Variants in CEP152 observed in about 807,000 individuals in gnomAD.
CEP152 encodes centrosomal protein of 152 kDa.
Under a neutral mutation model 188.9 loss-of-function variants are expected in CEP152, and 132 were observed. The observed-to-expected ratio is 0.70, with a 90% CI of 0.61 to 0.81. CEP152 has a LOEUF of 0.81. Among genes scored for constraint, CEP152 ranks in the 30% least tolerant of loss-of-function variants. The probability of loss-of-function intolerance (pLI) is 0.00; values close to 1 mark genes in which losing one functional copy is unlikely to be tolerated. For missense variants in CEP152, 1,914 were observed against 1,969.8 expected (o/e 0.97, Z 0.54); for synonymous variants, 649 against 666.6 (o/e 0.97, Z 0.41).
intron 6 of CEP152, among the ~76,000 whole-genome samples, 153 bp downstream of exon 6, chr15:48,795,857 A>G (rs1897254979): frequency 6.6e-6 from 1 of 152,212 alleles, no homozygotes; most frequent in Non-Finnish European, 1.5e-5. Context: ...TCTAGTATAT[A>G]TCTCTAAAAA....
intron 1 of CEP152, chr15:48,810,484 T>C (rs963914416): frequency 5.3e-5 from 8 of 152,258 alleles, no homozygotes; most frequent in African/African-American, 1.9e-4. Context: ...GTAATGCTAA[T>C]ACACAATAAG....
intron 2 of CEP152, among the ~76,000 whole-genome samples, chr15:48,800,102 AT>A (rs1472058057): frequency 2.6e-5 from 4 of 152,220 alleles, no homozygotes; most frequent in Non-Finnish European, 5.9e-5. Context: ...TTCAGCAGTT[AT>A]TGTAGCTTTG....
chr15:48,752,186 C>A (rs987210062), intron 21 of CEP152, among the ~76,000 whole-genome samples, 163 bp downstream of exon 21: 1 of 152,194 alleles, frequency 6.6e-6, no homozygotes, highest in African/African-American at 2.4e-5. Flanking sequence ...CCTAAATTAA[C>A]CCTCTTATCT....
At chr15:48,776,827 T>C (rs1895944042) in intron 12 of CEP152, among the ~76,000 whole-genome samples, 2 of 152,098 alleles carry the variant, frequency 1.3e-5, no homozygotes, top group South Asian at 4.1e-4. Context: ...TAAGGTGAGA[T>C]TATTGGTGAC....
At chr15:48,752,207 T>G in intron 21 of CEP152, 142 bp downstream of exon 21, 13 of 1,419,200 alleles carry the variant, frequency 9.2e-6, no homozygotes, top group South Asian at 1.2e-5. Flanking sequence ...AAATACAAAA[T>G]GAAATCTAGG....
chr15:48,793,801 C>G (rs917268349), intron 6 of CEP152, among the ~76,000 whole-genome samples: 26 of 152,190 alleles, frequency 1.7e-4, no homozygotes, highest in Admixed American at 4.6e-4. Flanking sequence ...CCCTGAATCA[C>G]TAACTACCAT....
Position 48,781,948 on chromosome 15 carries a change from G to C in CEP152, c.1413+191C>G, listed in dbSNP as rs1896273991. On this transcript the variant is annotated intron_variant, in intron 11 of 26. Transcript: ENST00000380950. ...AAGCTGGCAGGAAGTGCAGGGCCTTGGCTCTGCAATTAGACAGACCTGAGT... is the reference window on the plus strand; with the variant it reads ...AAGCTGGCAGGAAGTGCAGGGCCTTCGCTCTGCAATTAGACAGACCTGAGT... Among the ~76,000 whole-genome samples, 4 of 152,298 alleles carry C rather than the reference G, an allele frequency of 2.6e-5. No homozygotes were observed. The South Asian group carries it at 8.3e-4, about 32-fold the overall frequency.
rs1009914731 is a variant in CEP152, at chr15:48,782,374, A to G, written c.1322-144T>C. The G allele has an allele frequency of 5.8e-5, 42 of 721,856 alleles. No individual in the cohort carries two copies. The Admixed American group carries it at 8.2e-4, about 14-fold the overall frequency. The allele number at this position is 721,856 out of a possible 1,614,324, so 44.7% of individuals were successfully genotyped here. ...TGTCTCTTTAGAATACATAGAGCCC[A>G]TGGGACCCAGAAGGCATAGGTCTGG... On this transcript the variant is annotated intron_variant, in intron 10 of 26. Coordinates refer to ENST00000380950, the MANE Select transcript of CEP152 (RefSeq NM_001194998.2).
chr15:48,765,573 A>G, intron 17 of CEP152: 1 of 424,724 alleles, frequency 2.4e-6, no homozygotes, highest in South Asian at 1.7e-5. Flanking sequence ...TGATTCTATT[A>G]AAAGTATCAG....
At chr15:48,798,141 A>G in intron 2 of CEP152, 90 bp from the exon 3 acceptor site, 1 of 922,656 alleles carries the variant, frequency 1.1e-6, no homozygotes, top group East Asian at 2.5e-5. Flanking sequence ...TTTTTACTGT[A>G]GAGGTCAAAG....
intron 18 of CEP152, 74 bp from the exon 19 acceptor site, chr15:48,760,340 T>G: frequency 6.4e-7 from 1 of 1,556,730 alleles, no homozygotes; most frequent in Non-Finnish European, 8.8e-7. Flanking sequence ...TAAACAGCAA[T>G]TATGATTTCA....
chr15:48,761,046 T>C (rs1894647442), intron 18 of CEP152, among the ~76,000 whole-genome samples: 1 of 152,204 alleles, frequency 6.6e-6, no homozygotes, highest in South Asian at 2.1e-4. Context: ...AAAGCTCCTG[T>C]AGAAATTTAT....
intron 2 of CEP152, among the ~76,000 whole-genome samples, chr15:48,730,680 C>T (rs142450845): frequency 1.1e-3 from 171 of 152,228 alleles, no homozygotes; most frequent in Middle Eastern, 0.01. Flanking sequence ...CAGCCTTCAA[C>T]CAATAATTGA....
chr15:48,742,331 T>C (rs1893040856), intron 24 of CEP152, among the ~76,000 whole-genome samples: 1 of 152,182 alleles, frequency 6.6e-6, no homozygotes, highest in Admixed American at 6.5e-5. Flanking sequence ...CTACATATAG[T>C]AAGGAAACAT....
intron 8 of CEP152, among the ~76,000 whole-genome samples, chr15:48,790,723 C>T (rs1243157212): frequency 7.2e-5 from 11 of 152,198 alleles, no homozygotes; most frequent in Admixed American, 3.9e-4. Context: ...TCTGCCACCA[C>T]GCCCAGCTAA....
At chr15:48,784,226 T>C in intron 9 of CEP152, 106 bp from the exon 10 acceptor site, 6 of 1,112,292 alleles carry the variant, frequency 5.4e-6, no homozygotes, top group Non-Finnish European at 7.8e-6. Flanking sequence ...CACAAGATCA[T>C]CACATGGGAG....
At chr15:48,743,240 G>A (rs774919190) in intron 24 of CEP152, among the ~76,000 whole-genome samples, 12 of 152,166 alleles carry the variant, frequency 7.9e-5, no homozygotes, top group Admixed American at 2.6e-4. Context: ...ACATCTACAC[G>A]TGATTCTGAA....
intron 12 of CEP152, among the ~76,000 whole-genome samples, chr15:48,775,904 A>C (rs769200019): frequency 1.0e-4 from 14 of 133,480 alleles, no homozygotes; most frequent in Non-Finnish European, 1.4e-4. Context: ...TATGTGAAAT[A>C]ATATCTCAAT....
intron 12 of CEP152, among the ~76,000 whole-genome samples, chr15:48,778,542 A>T (rs1368386173): frequency 6.6e-6 from 1 of 152,170 alleles, no homozygotes; most frequent in Non-Finnish European, 1.5e-5. Flanking sequence ...AGCCTCAGTG[A>T]CTAATCACAC....
Sources: gnomAD v4.1 joint callset for allele counts (sites outside exome capture counted in the v4.1 genomes callset) on GRCh38, gnomAD v4.1.1 for gene constraint, MANE v1.5 for transcripts, NCBI Gene and HGNC (gene_info 2026-07-23, HGNC 2026-07-21) for gene names.